The following BARD1 variants were observed in gnomAD, a reference collection of about 807,000 sequenced individuals.
The protein encoded by BARD1 is BRCA1-associated RING domain protein 1.
In BARD1, 73 loss-of-function variants were observed where a neutral mutation model predicts 77.0. That is an observed-to-expected ratio of 0.95 (90% CI 0.79 to 1.15). The LOEUF (loss-of-function observed/expected upper bound fraction) is 1.15, where lower values mean the gene tolerates loss of function less well. Among genes scored for constraint, BARD1 ranks in the 50% most tolerant of loss-of-function variants. The pLI, the probability that BARD1 is intolerant of heterozygous loss-of-function variation, is 0.00. For synonymous variants in BARD1, 384 were observed against 338.0 expected (o/e 1.14, Z -1.49); for missense variants, 993 against 938.8 (o/e 1.06, Z -0.75).
rs59457185 is a variant in BARD1, at chr2:214,728,360, A to G, written c.*316T>C. On this transcript the variant is annotated 3_prime_UTR_variant, in exon 11 of 11. Coordinates refer to ENST00000260947, the MANE Select transcript of BARD1 (RefSeq NM_000465.4). ...ATATTAAAAGACTCAAACAGTAATG[A>G]TACCACTTGTCTATTTAACCAAGAT... The G allele has an allele frequency of 3.1e-3, 1,023 of 332,816 alleles. 10 individuals carry two copies. The highest frequency in any genetic ancestry group is 0.019 in the African/African-American group (922 of 47,484). 20.6% of individuals were successfully genotyped at this position (332,816 alleles called of 1,614,324 possible).
At chr2:214,750,785 G>A (rs925595223) in intron 7 of BARD1, among the ~76,000 whole-genome samples, 2 of 152,028 alleles carry the variant, frequency 1.3e-5, no homozygotes, top group African/African-American at 4.8e-5. Context: ...ATCTAGAATT[G>A]TGGCAATCAT....
chr2:214,784,854 C>T (rs1333680089), intron 3 of BARD1, among the ~76,000 whole-genome samples: 1 of 152,028 alleles, frequency 6.6e-6, no homozygotes, highest in Non-Finnish European at 1.5e-5. Context: ...GGGAGGGGAA[C>T]ATCACACACC....
intron 6 of BARD1, among the ~76,000 whole-genome samples, chr2:214,761,528 C>T (rs763760867): frequency 6.6e-6 from 1 of 151,994 alleles, no homozygotes; most frequent in Non-Finnish European, 1.5e-5. Flanking sequence ...AATGTATTAA[C>T]AACATCAATA....
At chr2:214,779,891 A>G (rs1263885442) in intron 4 of BARD1, among the ~76,000 whole-genome samples, 1 of 152,234 alleles carries the variant, frequency 6.6e-6, no homozygotes, top group Non-Finnish European at 1.5e-5. Flanking sequence ...GCTCTATTTC[A>G]CATGTAGTGT....
intron 7 of BARD1, 23 bp from the exon 8 acceptor site, chr2:214,745,877 C>T (rs957301632): frequency 6.2e-7 from 1 of 1,613,488 alleles, no homozygotes; most frequent in Non-Finnish European, 8.5e-7. Flanking sequence ...AAGGAGATAC[C>T]AGTGTTAAAA....
At chr2:214,805,617 T>C (rs1377317583) in intron 1 of BARD1, among the ~76,000 whole-genome samples, 4 of 152,038 alleles carry the variant, frequency 2.6e-5, no homozygotes, top group Admixed American at 1.3e-4. Flanking sequence ...AAAGGAAGCA[T>C]AAAAAGATAA....
At chr2:214,791,031 C>A (rs1695488536) in intron 3 of BARD1, among the ~76,000 whole-genome samples, 1 of 152,118 alleles carries the variant, frequency 6.6e-6, no homozygotes, top group African/African-American at 2.4e-5. Flanking sequence ...GAACTAATGA[C>A]AGAATTTTTC....
chr2:214,735,207 T>C (rs1257319423), intron 9 of BARD1, among the ~76,000 whole-genome samples: 1 of 152,158 alleles, frequency 6.6e-6, no homozygotes, highest in African/African-American at 2.4e-5. Context: ...TTCTTGAGCT[T>C]AGACTCACAA....
intron 2 of BARD1, among the ~76,000 whole-genome samples, chr2:214,794,998 TC>T (rs35339648): frequency 2.6e-5 from 4 of 152,104 alleles, no homozygotes; most frequent in African/African-American, 9.7e-5. Flanking sequence ...AACGTATGGA[TC>T]CCCCACCCCA....
At chr2:214,744,929 C>T (rs1459857689) in intron 9 of BARD1, 138 bp downstream of exon 9, 2 of 823,410 alleles carry the variant, frequency 2.4e-6, no homozygotes, top group Non-Finnish European at 4.0e-6. Context: ...CCACGCCCAG[C>T]CAGAAGCTTT....
chr2:214,732,852 A>G (rs1277657660), intron 9 of BARD1, among the ~76,000 whole-genome samples: 3 of 152,224 alleles, frequency 2.0e-5, no homozygotes, highest in African/African-American at 4.8e-5. Context: ...CACTGACACA[A>G]TAACAAAACT....
At chr2:214,792,214 A>G in intron 3 of BARD1, 83 bp downstream of exon 3, 1 of 1,293,228 alleles carries the variant, frequency 7.7e-7, no homozygotes, top group Non-Finnish European at 1.1e-6. Context: ...AACTCCAGAT[A>G]GATGTTTTAT....
chr2:214,770,210 T>C lies in BARD1; in HGVS notation c.1315-898A>G, dbSNP rs927281517. ...ATCAGCCCACAGAATTAGCATTAAA[T>C]TTTTTATCCCCCTGCTCCCCGCCCA... is the stretch of plus-strand genomic sequence containing the variant. On this transcript the variant is annotated intron_variant, in intron 4 of 10. Transcript: ENST00000260947. Among the ~76,000 whole-genome samples, 4 of 152,192 alleles carry C rather than the reference T, an allele frequency of 2.6e-5. No individual in the cohort carries two copies. The East Asian group carries it at 7.7e-4, about 29-fold the overall frequency.
At chr2:214,772,634 C>T (rs1694558531) in intron 4 of BARD1, among the ~76,000 whole-genome samples, 1 of 152,116 alleles carries the variant, frequency 6.6e-6, no homozygotes, top group African/African-American at 2.4e-5. Flanking sequence ...ATCAAAGTGT[C>T]TTCTGTTAAC....
intron 3 of BARD1, among the ~76,000 whole-genome samples, chr2:214,787,188 AT>A (rs1272383399): frequency 6.6e-6 from 1 of 151,928 alleles, no homozygotes; most frequent in Non-Finnish European, 1.5e-5. Context: ...TTAAAGGAAA[AT>A]TAAGGCTTAT....
intron 9 of BARD1, among the ~76,000 whole-genome samples, chr2:214,740,308 C>T (rs1692761530): frequency 6.6e-6 from 1 of 151,946 alleles, no homozygotes; most frequent in Non-Finnish European, 1.5e-5. Context: ...TTCTAATTTC[C>T]CTAATTAAGA....
chr2:214,785,031 AAAAAG>A (rs897640218), intron 3 of BARD1, among the ~76,000 whole-genome samples: 26 of 150,984 alleles, frequency 1.7e-4, no homozygotes, highest in African/African-American at 5.4e-4. Context: ...TAAAAAAAAA[AAAAAG>A]AAAGAAAGCC....
At chr2:214,745,658 T>G in intron 8 of BARD1, 64 bp downstream of exon 8, 2 of 1,570,680 alleles carry the variant, frequency 1.3e-6, no homozygotes, top group South Asian at 2.2e-5. Context: ...CAAAGGTAGT[T>G]CTCCAAAAGG....
chr2:214,796,936 T>C (rs915695139), intron 2 of BARD1, 125 bp downstream of exon 2: 1 of 804,894 alleles, frequency 1.2e-6, no homozygotes. Context: ...TAATGTACAA[T>C]AGGTTACTTT....
Sources: allele counts gnomAD v4.1 joint callset (sites outside exome capture counted in the v4.1 genomes callset), GRCh38; gene constraint gnomAD v4.1.1; transcripts MANE v1.5; gene names NCBI Gene and HGNC (gene_info 2026-07-23, HGNC 2026-07-21).